Variants in LEPR observed in about 807,000 individuals in gnomAD.
The protein encoded by LEPR is leptin receptor.
In LEPR, 56 loss-of-function variants were observed where a neutral mutation model predicts 114.7. The observed-to-expected ratio is 0.49, with a 90% CI of 0.39 to 0.61. LEPR has a LOEUF of 0.61. Among genes scored for constraint, LEPR ranks in the 20% least tolerant of loss-of-function variants. LEPR has a pLI of 0.00. For missense variants in LEPR, 1,202 were observed against 1,352.9 expected, an observed-to-expected ratio of 0.89 and a Z score of 1.75; for synonymous variants, 443 against 461.4, an observed-to-expected ratio of 0.96 and a Z score of 0.51.
At chr1:65,433,838 C>T in intron 2 of LEPR, 7 of 984,724 alleles carry the variant, frequency 7.1e-6, no homozygotes, top group Non-Finnish European at 8.4e-6. Context: ...GTGATGTTGC[C>T]TTGCCTGAAA....
chr1:65,604,313 GTC>G (rs1656662171), intron 10 of LEPR, among the ~76,000 whole-genome samples: 2 of 151,950 alleles, frequency 1.3e-5, no homozygotes, highest in Non-Finnish European at 2.9e-5. Context: ...GAGTGAAATT[GTC>G]TGTATTTTAT....
intron 2 of LEPR, among the ~76,000 whole-genome samples, chr1:65,456,516 G>A (rs1570484765): frequency 6.6e-6 from 1 of 152,042 alleles, no homozygotes; most frequent in Admixed American, 6.6e-5. Context: ...TACATATTAA[G>A]GATTGTATAT....
At chr1:65,463,348 T>A (rs1169692347) in intron 2 of LEPR, among the ~76,000 whole-genome samples, 1 of 152,246 alleles carries the variant, frequency 6.6e-6, no homozygotes, top group Non-Finnish European at 1.5e-5. Flanking sequence ...TGTGGTATTA[T>A]TTCTGAGGCC....
chr1:65,500,344 T>A (rs1220665853), intron 2 of LEPR, among the ~76,000 whole-genome samples: 1 of 152,150 alleles, frequency 6.6e-6, no homozygotes, highest in Non-Finnish European at 1.5e-5. Context: ...CTCAATATGT[T>A]CTGAAATATT....
intron 2 of LEPR, among the ~76,000 whole-genome samples, chr1:65,485,229 A>C (rs1459404390): frequency 6.6e-6 from 1 of 152,192 alleles, no homozygotes; most frequent in Non-Finnish European, 1.5e-5. Context: ...GAGTAATGAG[A>C]AAATTCAGAT....
intron 8 of LEPR, among the ~76,000 whole-genome samples, chr1:65,600,265 A>G (rs1007740946): frequency 1.3e-5 from 2 of 152,086 alleles, no homozygotes; most frequent in African/African-American, 2.4e-5. Context: ...CTTGAGTGCC[A>G]CCTCGGCTAG....
rs1188104921 is a variant in LEPR, at chr1:65,592,795, G to A, written c.633G>A (p.Met211Ile). 6.2e-7 allele frequency: 1 copy of A among 1,613,280 alleles called. No individual in the cohort carries two copies. Among genetic ancestry groups the A allele is most frequent in the East Asian group, 2.2e-5 (1 of 44,862 alleles). Residue 211 changes from methionine to isoleucine, a missense_variant, in exon 6 of 20, where the codon ATG becomes ATA. Met to Ile is a conservative substitution (Grantham distance 10). Transcript: ENST00000349533. Reference sequence around the variant, plus strand: ...CCAAACTCAACGACACTCTCCTTATGTGTTTGAAAATCACATCTGGTGGAG... The same window carrying A: ...CCAAACTCAACGACACTCTCCTTATATGTTTGAAAATCACATCTGGTGGAG... ...PTAKLNDTLL[M>I]CLKITSGGVI...
Position 65,581,789 on chromosome 1 carries a change from C to T in LEPR, c.494+9340C>T, listed in dbSNP as rs141150671. ...CAGCAAGAAGAAACCAAGAGACATC[C>T]GCAACACTTGCTGGAAATCTCCTTA... On this transcript the variant is annotated intron_variant, in intron 5 of 19. Coordinates refer to ENST00000349533, the MANE Select transcript of LEPR (RefSeq NM_002303.6). Among the ~76,000 whole-genome samples, 41 of 152,250 alleles carry T rather than the reference C, an allele frequency of 2.7e-4. No homozygotes were observed. The East Asian group carries it at 7.5e-3, about 28-fold the overall frequency.
At chr1:65,574,362 C>T (rs943243550) in intron 5 of LEPR, among the ~76,000 whole-genome samples, 3 of 152,172 alleles carry the variant, frequency 2.0e-5, no homozygotes, top group South Asian at 2.1e-4. Flanking sequence ...CAAACCTGCA[C>T]GTTGTGCACA....
At chr1:65,604,291 T>G (rs1226207389) in intron 10 of LEPR, among the ~76,000 whole-genome samples, 3 of 152,114 alleles carry the variant, frequency 2.0e-5, no homozygotes, top group African/African-American at 7.2e-5. Flanking sequence ...TAAGAATGTC[T>G]TTTTTTAGAT....
chr1:65,429,956 A>G (rs1646454443), intron 2 of LEPR: 1 of 1,579,150 alleles, frequency 6.3e-7, no homozygotes, highest in East Asian at 2.3e-5. Context: ...AGATGCAACC[A>G]GTAGTGCCTG....
intron 2 of LEPR, among the ~76,000 whole-genome samples, chr1:65,448,093 G>C (rs1646735457): frequency 6.6e-6 from 1 of 152,056 alleles, no homozygotes; most frequent in Admixed American, 6.5e-5. Flanking sequence ...TCCTTATCTT[G>C]CTCTTGATCT....
intron 2 of LEPR, among the ~76,000 whole-genome samples, chr1:65,499,995 T>A (rs1345953162): frequency 2.6e-5 from 4 of 152,040 alleles, no homozygotes; most frequent in Middle Eastern, 3.2e-3. Context: ...TTGTGGGAAG[T>A]GATTGGGTCA....
At chr1:65,535,264 TATC>T (rs1650685024) in intron 2 of LEPR, among the ~76,000 whole-genome samples, 3 of 151,348 alleles carry the variant, frequency 2.0e-5, no homozygotes, top group African/African-American at 7.3e-5. Flanking sequence ...ATGGTATACT[TATC>T]ATATTAGACC....
intron 19 of LEPR, among the ~76,000 whole-genome samples, chr1:65,632,150 A>G (rs1014073192): frequency 2.6e-5 from 4 of 152,112 alleles, no homozygotes; most frequent in Non-Finnish European, 5.9e-5. Context: ...AAAGCAGCTC[A>G]ATAACCCGTG....
chr1:65,530,807 C>T (rs968953202), intron 2 of LEPR, among the ~76,000 whole-genome samples: 1 of 152,154 alleles, frequency 6.6e-6, no homozygotes, highest in Admixed American at 6.5e-5. Flanking sequence ...CAGTAGGTCT[C>T]AGCCTCATTT....
Position 65,621,403 on chromosome 1 carries a change from G to A in LEPR, c.2542G>A (p.Val848Ile), listed in dbSNP as rs138474777. ...TGCAGGTTTATATGTAATTGTGCCAGTAATTATTTCCTCTTCCATCTTATT... is the reference window on the plus strand; with the variant it reads ...TGCAGGTTTATATGTAATTGTGCCAATAATTATTTCCTCTTCCATCTTATT... ...SDAGLYVIVPVIISSSILLLG... is the reference protein window; with the variant it reads ...SDAGLYVIVPIIISSSILLLG... Residue 848 changes from valine (V) to isoleucine (I), a missense_variant, in exon 18 of 20, where the codon GTA becomes ATA. Physicochemically the swap from Val to Ile is conservative, Grantham distance 29. Transcript: ENST00000349533. The A allele has an allele frequency of 3.7e-5, 60 of 1,613,282 alleles. No homozygotes were observed. Among genetic ancestry groups the A allele is most frequent in the Non-Finnish European group, 5.1e-5 (60 of 1,179,650 alleles).
At chr1:65,472,210 G>T (rs576663038) in intron 2 of LEPR, among the ~76,000 whole-genome samples, 18 of 151,770 alleles carry the variant, frequency 1.2e-4, no homozygotes, top group Non-Finnish European at 2.2e-4. Context: ...AAAGCATAAG[G>T]CATAAAATCA....
chr1:65,447,970 A>C (rs1203666738), intron 2 of LEPR, among the ~76,000 whole-genome samples: 2 of 152,222 alleles, frequency 1.3e-5, no homozygotes, highest in Non-Finnish European at 2.9e-5. Context: ...TCTGTGAACA[A>C]AGACAGTAAT....
Sources: allele counts gnomAD v4.1 joint callset (sites outside exome capture counted in the v4.1 genomes callset), GRCh38; gene constraint gnomAD v4.1.1; transcripts MANE v1.5; gene names NCBI Gene and HGNC (gene_info 2026-07-23, HGNC 2026-07-21).